SHISA9: variants seen among roughly 807,000 people sequenced by gnomAD.
SHISA9 encodes shisa family member 9.
In SHISA9, 13 loss-of-function variants were observed where a neutral mutation model predicts 38.0. That is an observed-to-expected ratio of 0.34 (90% CI 0.22 to 0.54). The LOEUF (loss-of-function observed/expected upper bound fraction) is 0.54, where lower values mean the gene tolerates loss of function less well. Ranked by LOEUF, SHISA9 falls within the 20% of genes least tolerant of loss-of-function variation. SHISA9 has a pLI of 0.91. For synonymous variants in SHISA9, 275 were observed against 242.0 expected, an observed-to-expected ratio of 1.14 and a Z score of -1.27; for missense variants, 538 against 575.8, an observed-to-expected ratio of 0.93 and a Z score of 0.67.
the SHISA9 span, among the ~76,000 whole-genome samples, chr16:13,265,193 C>T: frequency 1.7e-5 from 2 of 116,302 alleles, no homozygotes; most frequent in African/African-American, 6.7e-5. Context: ...CCACTCCCTC[C>T]CCTCCCTTTC....
At chr16:13,352,710 G>C in the SHISA9 span, among the ~76,000 whole-genome samples, 4 of 43,020 alleles carry the variant, frequency 9.3e-5, no homozygotes, top group East Asian at 3.0e-3. Flanking sequence ...GGGGGGGGGG[G>C]GGCGGGGCGT....
At chr16:13,045,343 A>G (rs999769857) in intron 2 of SHISA9, among the ~76,000 whole-genome samples, 2 of 152,190 alleles carry the variant, frequency 1.3e-5, no homozygotes, top group African/African-American at 4.8e-5. Flanking sequence ...GATCAGGGTC[A>G]GTTTATGGCA....
the SHISA9 span, among the ~76,000 whole-genome samples, chr16:13,436,442 T>C: frequency 6.6e-6 from 1 of 152,142 alleles, no homozygotes; most frequent in Non-Finnish European, 1.5e-5. Context: ...AGAGGAACCC[T>C]CAATTCCAGG....
chr16:13,215,219 G>A (rs1275961955), intron 4 of SHISA9, among the ~76,000 whole-genome samples: 1 of 152,144 alleles, frequency 6.6e-6, no homozygotes, highest in Admixed American at 6.5e-5. Context: ...GCATCACTTG[G>A]AGGGTTGTTA....
chr16:13,207,315 T>C (rs2051074756), intron 3 of SHISA9, among the ~76,000 whole-genome samples: 1 of 152,194 alleles, frequency 6.6e-6, no homozygotes, highest in Non-Finnish European at 1.5e-5. Flanking sequence ...AAGATTTATG[T>C]GGAGCTCCTC....
At chr16:13,541,396 C>T in the SHISA9 span, among the ~76,000 whole-genome samples, 1 of 152,100 alleles carries the variant, frequency 6.6e-6, no homozygotes, top group Non-Finnish European at 1.5e-5. Flanking sequence ...CCATATATAG[C>T]CCCACAAAAT....
intron 2 of SHISA9, among the ~76,000 whole-genome samples, chr16:13,154,402 G>A (rs773034333): frequency 7.2e-5 from 11 of 152,212 alleles, no homozygotes; most frequent in Non-Finnish European, 1.5e-4. Flanking sequence ...AAGGTGAGCA[G>A]AAATGTAGCG....
At chr16:13,433,055 C>G in the SHISA9 span, among the ~76,000 whole-genome samples, 78 of 151,392 alleles carry the variant, frequency 5.2e-4, no homozygotes, top group East Asian at 0.011. Flanking sequence ...ACTTGTAACC[C>G]TGAACTTAAA....
the SHISA9 span, among the ~76,000 whole-genome samples, chr16:13,533,907 C>A: frequency 2.6e-5 from 4 of 151,956 alleles, no homozygotes; most frequent in East Asian, 7.8e-4. Context: ...CCTCAGCCTC[C>A]TGAGTAGCTG....
chr16:13,201,091 C>T lies in SHISA9; in HGVS notation c.692-2303C>T, dbSNP rs1388511740. Among the ~76,000 whole-genome samples, 2 of 134,968 alleles carry T rather than the reference C, an allele frequency of 1.5e-5. 1 individual carries two copies. Among genetic ancestry groups the T allele is most frequent in the Admixed American group, 1.5e-4 (2 of 13,642 alleles). The allele number at this position is 134,968 out of a possible 152,430, so 88.5% of individuals were successfully genotyped here. ...TAGGGAGCCACACAAAAATGGGGCT[C>T]CAAGTAAAGTCCAGATTCAGGGGTT... is the stretch of plus-strand genomic sequence containing the variant. On this transcript the variant is annotated intron_variant, in intron 2 of 4. Transcript: ENST00000558583.
chr16:13,093,335 C>A (rs1464804098), intron 2 of SHISA9, among the ~76,000 whole-genome samples: 1 of 152,128 alleles, frequency 6.6e-6, no homozygotes. Context: ...TGATCTTGGT[C>A]CAGTTGCTGT....
At chr16:13,042,335 G>A (rs1229183732) in intron 2 of SHISA9, among the ~76,000 whole-genome samples, 1 of 152,178 alleles carries the variant, frequency 6.6e-6, no homozygotes, top group Admixed American at 6.5e-5. Context: ...GACAGAATTT[G>A]TACCTTCAGG....
At chr16:13,224,750 C>T (rs538689202) in intron 4 of SHISA9, among the ~76,000 whole-genome samples, 2 of 152,064 alleles carry the variant, frequency 1.3e-5, no homozygotes, top group Non-Finnish European at 2.9e-5. Flanking sequence ...GTCATCAGAG[C>T]CATTGGTGGA....
the SHISA9 span, among the ~76,000 whole-genome samples, chr16:13,454,130 G>C: frequency 6.6e-6 from 1 of 152,302 alleles, no homozygotes; most frequent in East Asian, 1.9e-4. Flanking sequence ...GGAGATGAGA[G>C]GGAAAGGGCT....
At chr16:12,906,930 T>C (rs1025616179) in intron 1 of SHISA9, among the ~76,000 whole-genome samples, 14 of 152,134 alleles carry the variant, frequency 9.2e-5, no homozygotes. Context: ...CTGGCCCCAG[T>C]TGAGAACCAC....
In SHISA9 at chr16:13,128,207, C is replaced by T. The variant is rs553613705; in HGVS notation, c.692-75187C>T. ...CAGAACCTTGATTAGCACAAAAAGG[C>T]TCTCCTGGGTGAAGGAAAGGAAGGG... On this transcript the variant is annotated intron_variant, in intron 2 of 4. Coordinates refer to ENST00000558583, the MANE Select transcript of SHISA9 (RefSeq NM_001145204.3). 2.6e-5 allele frequency among the ~76,000 whole-genome samples: 4 copies of T among 152,268 alleles called. No homozygotes were observed. In the East Asian group the frequency reaches 5.8e-4, roughly 22 times the overall value.
At position 13,196,407 on chromosome 16, in the gene SHISA9, A is replaced by G. The variant is rs185195980; in HGVS notation, c.692-6987A>G. Among the ~76,000 whole-genome samples the G allele has an allele frequency of 5.7e-4, 85 of 150,222 alleles. 1 individual carries two copies. In the East Asian group the frequency reaches 0.013, roughly 23 times the overall value. Reference sequence around the variant, plus strand: ...GCGAGACTCCGTCTCAAAAAAAAAAAAAAGAAAGAAAAAAAAAAGTCCATT... The same window carrying G: ...GCGAGACTCCGTCTCAAAAAAAAAAGAAAGAAAGAAAAAAAAAAGTCCATT... On this transcript the variant is annotated intron_variant, in intron 2 of 4. Coordinates refer to ENST00000558583, the MANE Select transcript of SHISA9 (RefSeq NM_001145204.3).
At chr16:13,122,328 G>A (rs2050219020) in intron 2 of SHISA9, among the ~76,000 whole-genome samples, 1 of 152,142 alleles carries the variant, frequency 6.6e-6, no homozygotes, top group African/African-American at 2.4e-5. Context: ...TTCTTGCCAA[G>A]CCACCAACAA....
intron 4 of SHISA9, among the ~76,000 whole-genome samples, chr16:13,215,834 G>A (rs1179558498): frequency 6.6e-6 from 1 of 152,118 alleles, no homozygotes; most frequent in Non-Finnish European, 1.5e-5. Flanking sequence ...ATGAGGTATG[G>A]TAGCAAGGTT....
Sources: allele counts gnomAD v4.1 joint callset (sites outside exome capture counted in the v4.1 genomes callset), GRCh38; gene constraint gnomAD v4.1.1; transcripts MANE v1.5; gene names NCBI Gene and HGNC (gene_info 2026-07-23, HGNC 2026-07-21).